Variants in WWOX observed in about 807,000 individuals in gnomAD.
WWOX encodes WW domain-containing oxidoreductase.
A neutral mutation model predicts 46.2 loss-of-function variants in WWOX; 69 were observed. That is an observed-to-expected ratio of 1.49 (90% CI 1.23 to 1.82). The LOEUF (loss-of-function observed/expected upper bound fraction) is 1.82, where lower values mean the gene tolerates loss of function less well. Ranked by LOEUF, WWOX falls within the 40% of genes most tolerant of loss-of-function variation. The pLI is 0.00. For synonymous variants in WWOX, 359 were observed against 202.6 expected, an observed-to-expected ratio of 1.77 and a Z score of -6.56; for missense variants, 919 against 542.6, an observed-to-expected ratio of 1.69 and a Z score of -6.89.
At chr16:79,068,280 C>G (rs1357768104) in intron 8 of WWOX, among the ~76,000 whole-genome samples, 9 of 152,174 alleles carry the variant, frequency 5.9e-5, no homozygotes, top group Admixed American at 2.6e-4. Context: ...CTTCCCATAA[C>G]TAGCTCATGT....
intron 8 of WWOX, among the ~76,000 whole-genome samples, chr16:78,879,395 A>G (rs531211768): frequency 1.1e-4 from 17 of 152,230 alleles, no homozygotes; most frequent in African/African-American, 2.6e-4. Context: ...CAAATTCCCA[A>G]TTAGTTTCTT....
chr16:78,774,174 A>C (rs780985923), intron 8 of WWOX, among the ~76,000 whole-genome samples: 1 of 152,134 alleles, frequency 6.6e-6, no homozygotes, highest in Non-Finnish European at 1.5e-5. Flanking sequence ...AGGCCAAGGC[A>C]GGCAGATCAT....
At chr16:78,556,854 G>T (rs1056683814) in intron 8 of WWOX, among the ~76,000 whole-genome samples, 1 of 151,950 alleles carries the variant, frequency 6.6e-6, no homozygotes, top group Non-Finnish European at 1.5e-5. Context: ...AAGTAACTGG[G>T]ATTACAGGTG....
chr16:78,715,826 A>C (rs2048548706), intron 8 of WWOX, among the ~76,000 whole-genome samples: 1 of 152,074 alleles, frequency 6.6e-6, no homozygotes, highest in South Asian at 2.1e-4. Context: ...AGAATCTATC[A>C]ACTCCCTTCT....
At chr16:79,011,723 G>A (rs530370433) in intron 8 of WWOX, among the ~76,000 whole-genome samples, 2 of 151,786 alleles carry the variant, frequency 1.3e-5, no homozygotes, top group East Asian at 1.9e-4. Flanking sequence ...AAACTCCTGG[G>A]CTCAAGCTAT....
intron 8 of WWOX, among the ~76,000 whole-genome samples, chr16:78,688,472 C>T (rs1168463254): frequency 6.6e-6 from 1 of 151,960 alleles, no homozygotes; most frequent in Non-Finnish European, 1.5e-5. Flanking sequence ...TGCATATTAA[C>T]CCACCATATT....
intron 8 of WWOX, among the ~76,000 whole-genome samples, chr16:78,768,483 A>T (rs1326753099): frequency 6.6e-6 from 1 of 151,546 alleles, no homozygotes; most frequent in Non-Finnish European, 1.5e-5. Flanking sequence ...CCAGCTACTC[A>T]CCAGGCTGAG....
At chr16:78,906,442 C>T (rs1458105492) in intron 8 of WWOX, among the ~76,000 whole-genome samples, 2 of 152,136 alleles carry the variant, frequency 1.3e-5, no homozygotes, top group African/African-American at 4.8e-5. Context: ...CTAAAATTCT[C>T]TTCCCAGGAG....
chr16:79,160,748 C>T (rs1401634185), intron 8 of WWOX, among the ~76,000 whole-genome samples: 3 of 152,056 alleles, frequency 2.0e-5, no homozygotes, highest in Non-Finnish European at 4.4e-5. Flanking sequence ...AGTAATGGTG[C>T]AGATTAGAGA....
chr16:78,194,587 CA>C (rs368008924), intron 5 of WWOX, among the ~76,000 whole-genome samples: 11,657 of 98,430 alleles, frequency 0.12, 1,315 homozygotes, highest in African/African-American at 0.36. Flanking sequence ...GACTCCATCT[CA>C]AAAAAAAAAA....
intron 8 of WWOX, among the ~76,000 whole-genome samples, chr16:79,141,139 A>G (rs1436949521): frequency 2.0e-5 from 3 of 152,198 alleles, no homozygotes; most frequent in Non-Finnish European, 2.9e-5. Flanking sequence ...AGATAAATAC[A>G]TATCGGATTG....
At chr16:78,701,801 T>G (rs561275350) in intron 8 of WWOX, among the ~76,000 whole-genome samples, 53 of 151,774 alleles carry the variant, frequency 3.5e-4, no homozygotes, top group Admixed American at 1.1e-3. Flanking sequence ...AGCTGCCATC[T>G]GGGGACACAT....
At chr16:78,500,124 T>G (rs948962913) in intron 8 of WWOX, among the ~76,000 whole-genome samples, 4 of 152,214 alleles carry the variant, frequency 2.6e-5, no homozygotes, top group Non-Finnish European at 5.9e-5. Context: ...GCCATTCTAA[T>G]GCATGAGCTC....
chr16:78,710,735 C>T (rs1163591253), intron 8 of WWOX, among the ~76,000 whole-genome samples: 1 of 151,166 alleles, frequency 6.6e-6, no homozygotes, highest in Admixed American at 6.6e-5. Flanking sequence ...TCATCTTAGC[C>T]TCCTGAGTGG....
chr16:78,916,040 T>C (rs1181928412), intron 8 of WWOX, among the ~76,000 whole-genome samples: 1 of 152,308 alleles, frequency 6.6e-6, no homozygotes, highest in Non-Finnish European at 1.5e-5. Flanking sequence ...TTTGGAACCA[T>C]TGTCTTCTCT....
chr16:78,814,822 T>C (rs2051288434), intron 8 of WWOX, among the ~76,000 whole-genome samples: 1 of 152,210 alleles, frequency 6.6e-6, no homozygotes, highest in Non-Finnish European at 1.5e-5. Flanking sequence ...TCCCCACTAG[T>C]CCTGTCATCT....
intron 8 of WWOX, among the ~76,000 whole-genome samples, chr16:79,069,245 A>G (rs1444835052): frequency 1.3e-5 from 2 of 152,196 alleles, no homozygotes; most frequent in Admixed American, 6.5e-5. Flanking sequence ...AGTTGTGAGT[A>G]CGATTAATGC....
chr16:78,595,824 C>A (rs773103243), intron 8 of WWOX, among the ~76,000 whole-genome samples: 3 of 152,218 alleles, frequency 2.0e-5, no homozygotes, highest in African/African-American at 7.2e-5. Flanking sequence ...TTGAACTGTT[C>A]TGAAATATGC....
At chr16:78,865,415 G>T (rs1183478606) in intron 8 of WWOX, among the ~76,000 whole-genome samples, 1 of 152,204 alleles carries the variant, frequency 6.6e-6, no homozygotes, top group East Asian at 1.9e-4. Flanking sequence ...TTACACTCCA[G>T]TGGACTTTGA....
Sources: gnomAD v4.1 joint callset for allele counts (sites outside exome capture counted in the v4.1 genomes callset) on GRCh38, gnomAD v4.1.1 for gene constraint, MANE v1.5 for transcripts, NCBI Gene and HGNC (gene_info 2026-07-23, HGNC 2026-07-21) for gene names.